GATB: variants seen among roughly 807,000 people sequenced by gnomAD.
GATB encodes the protein glutamyl-tRNA amidotransferase subunit B.
A neutral mutation model predicts 62.3 loss-of-function variants in GATB; 39 were observed. The observed-to-expected ratio is 0.63, with a 90% CI of 0.48 to 0.82. The LOEUF is 0.82. Ranked by LOEUF, GATB falls within the 40% of genes least tolerant of loss-of-function variation. The pLI, the probability that GATB is intolerant of heterozygous loss-of-function variation, is 0.00. For synonymous variants in GATB, 276 were observed against 258.9 expected (o/e 1.07, Z -0.63); for missense variants, 670 against 684.0 (o/e 0.98, Z 0.23).
intron 5 of GATB, among the ~76,000 whole-genome samples, chr4:151,709,625 G>A (rs896717225): frequency 1.3e-5 from 2 of 152,000 alleles, no homozygotes; most frequent in African/African-American, 2.4e-5. Flanking sequence ...TGTCTGTCAC[G>A]GCCTTTCCAT....
rs573449714 is a variant in GATB at position 151,701,501 on chromosome 4, T to C, written c.1025A>G (p.Asn342Ser). 12 of 1,564,080 alleles carry C rather than the reference T, an allele frequency of 7.7e-6. No homozygotes were observed. The highest frequency in any genetic ancestry group is 9.5e-6 in the Non-Finnish European group (11 of 1,152,372). ...GTCGTAGAGCACCAGGGGAGGCAGG[T>C]TGGGTTCTGGCATGAACCTGGGCAG... Reference protein sequence around the residue: ...KQDYRFMPEPNLPPLVLYDAT... With the variant: ...KQDYRFMPEPSLPPLVLYDAT... Residue 342 changes from asparagine to serine, a missense_variant, in exon 9 of 13, where the codon AAC (asparagine) becomes AGC (serine). By Grantham distance (46) the Asn-to-Ser change is conservative. Transcript: ENST00000263985.
chr4:151,741,196 C>T (rs1739478278), intron 2 of GATB, among the ~76,000 whole-genome samples: 1 of 151,346 alleles, frequency 6.6e-6, no homozygotes, highest in South Asian at 2.1e-4. Context: ...AAGAGATTAA[C>T]AACAATAATA....
rs369180505 is a variant in GATB, at chr4:151,730,631, G to A, written c.328-11093C>T. ...AGACAGCCCCCAGTGCCAGCCTGGA[G>A]CCACGAAGACTCACTGGGTGGCTAG... On this transcript the variant is annotated intron_variant, in intron 2 of 12. Transcript: ENST00000263985. This position sits in a 1 kb window ranked among gnomAD's most constrained non-coding sequence, Gnocchi z 4.1. 5.9e-5 allele frequency among the ~76,000 whole-genome samples: 9 copies of A among 152,344 alleles called. No individual in the cohort carries two copies. The highest frequency in any genetic ancestry group is 5.2e-4 in the Admixed American group (8 of 15,302).
At chr4:151,682,128 G>A (rs1391864429) in intron 10 of GATB, among the ~76,000 whole-genome samples, 1 of 152,140 alleles carries the variant, frequency 6.6e-6, no homozygotes, top group Non-Finnish European at 1.5e-5. Context: ...CATCAGTTGG[G>A]TCATAAATTT....
At chr4:151,725,773 T>C (rs865803521) in intron 2 of GATB, among the ~76,000 whole-genome samples, 2 of 152,378 alleles carry the variant, frequency 1.3e-5, no homozygotes, top group South Asian at 2.1e-4. Context: ...AAAGCCAGTC[T>C]CTAGGATCTA....
At chr4:151,737,577 G>A (rs1246477418) in intron 2 of GATB, among the ~76,000 whole-genome samples, 6 of 152,244 alleles carry the variant, frequency 3.9e-5, no homozygotes, top group Non-Finnish European at 2.9e-5. Flanking sequence ...GAAGCAGAAT[G>A]TTAATCCCCA....
chr4:151,745,088 TAA>T (rs1739569714), intron 2 of GATB, among the ~76,000 whole-genome samples: 1 of 152,230 alleles, frequency 6.6e-6, no homozygotes, highest in Non-Finnish European at 1.5e-5. Flanking sequence ...AACATAATTA[TAA>T]ATCTTTCAGA....
chr4:151,683,658 G>A (rs909120104), intron 10 of GATB, among the ~76,000 whole-genome samples: 3 of 152,192 alleles, frequency 2.0e-5, no homozygotes, highest in African/African-American at 7.2e-5. Flanking sequence ...GCTAGGGTGC[G>A]CATATTTGAG....
chr4:151,670,951 TG>T lies in GATB; in HGVS notation c.*222del. The T allele has an allele frequency of 1.8e-6, 1 of 540,908 alleles. No homozygotes were observed. Among genetic ancestry groups the T allele is most frequent in the Non-Finnish European group, 3.3e-6 (1 of 303,908 alleles). 33.5% of individuals were successfully genotyped at this position (540,908 alleles called of 1,614,324 possible). ...GCAGCCTCACCGGACCCTCCTGATGTGGATGAAGCAGGCGGGGTGGCTGCTG... is the reference window on the plus strand; with the variant it reads ...GCAGCCTCACCGGACCCTCCTGATGTGATGAAGCAGGCGGGGTGGCTGCTG... On this transcript the variant is annotated 3_prime_UTR_variant, in exon 13 of 13. Transcript: ENST00000263985.
intron 2 of GATB, among the ~76,000 whole-genome samples, chr4:151,728,051 A>C (rs1334842370): frequency 6.6e-6 from 1 of 152,206 alleles, no homozygotes; most frequent in African/African-American, 2.4e-5. Flanking sequence ...TTTTGTGATA[A>C]TTACTTGTGT....
chr4:151,678,673 G>A (rs1412801850), intron 11 of GATB, among the ~76,000 whole-genome samples: 5 of 152,118 alleles, frequency 3.3e-5, no homozygotes, highest in Non-Finnish European at 7.3e-5. Flanking sequence ...AGCCCGGTGC[G>A]TGCACTATGG....
rs1244257669 is a variant in GATB at position 151,724,902 on chromosome 4, AC to A, written c.328-5365del. ...ATTAAATGAGATAATGAATAATTTA[AC>A]ATTTCCTTTATCAACATTCAAAAGA... On this transcript the variant is annotated intron_variant, in intron 2 of 12. Transcript: ENST00000263985. 2.0e-5 allele frequency among the ~76,000 whole-genome samples: 3 copies of A among 152,180 alleles called. No individual in the cohort carries two copies. The East Asian group carries it at 5.8e-4, about 29-fold the overall frequency.
chr4:151,743,054 C>A (rs1433027387), intron 2 of GATB, among the ~76,000 whole-genome samples: 1 of 152,006 alleles, frequency 6.6e-6, no homozygotes, highest in Non-Finnish European at 1.5e-5. Flanking sequence ...AACTAAAAAC[C>A]TCAATGGATA....
chr4:151,704,467 T>A (rs77414201), intron 7 of GATB, among the ~76,000 whole-genome samples: 3 of 151,960 alleles, frequency 2.0e-5, no homozygotes, highest in African/African-American at 7.3e-5. Flanking sequence ...TTTTTTTTTT[T>A]CTTTGAGACG....
chr4:151,701,477 T>C lies in GATB; in HGVS notation c.1049A>G (p.Asp350Gly). 2 of 1,588,748 alleles carry C rather than the reference T, an allele frequency of 1.3e-6. No individual in the cohort carries two copies. The highest frequency in any genetic ancestry group is 1.7e-6 in the Non-Finnish European group (2 of 1,166,244). ...TGCACCTGCGGGCAGAGATGTGGCGTCGTAGAGCACCAGGGGAGGCAGGTT... is the reference window on the plus strand; with the variant it reads ...TGCACCTGCGGGCAGAGATGTGGCGCCGTAGAGCACCAGGGGAGGCAGGTT... ...EPNLPPLVLY[D>G]ATSLPAGADP... Residue 350 changes from aspartate to glycine, a missense_variant, in exon 9 of 13, where the codon GAC (aspartate) becomes GGC (glycine). Coordinates refer to ENST00000263985, the MANE Select transcript of GATB (RefSeq NM_004564.3).
At chr4:151,754,309 T>C (rs1297274233) in intron 2 of GATB, among the ~76,000 whole-genome samples, 1 of 152,230 alleles carries the variant, frequency 6.6e-6, no homozygotes, top group African/African-American at 2.4e-5. Context: ...CTGGTCTTTG[T>C]ACATCCTATT....
rs1358332141 is a variant in GATB at position 151,730,920 on chromosome 4, A to G, written c.328-11382T>C. Reference sequence around the variant, plus strand: ...GTTTACCAGCAATGAATCCAAATCAAGAAGAAATCCCTGATTTACCTGAAA... The same window carrying G: ...GTTTACCAGCAATGAATCCAAATCAGGAAGAAATCCCTGATTTACCTGAAA... On this transcript the variant is annotated intron_variant, in intron 2 of 12. Transcript: ENST00000263985. The surrounding 1 kb of genome is among the most constrained non-coding windows in gnomAD (Gnocchi z 4.1). 6.6e-6 allele frequency among the ~76,000 whole-genome samples: 1 copy of G among 152,254 alleles called. No individual in the cohort carries two copies. Among genetic ancestry groups the G allele is most frequent in the East Asian group, 1.9e-4 (1 of 5,202 alleles).
intron 2 of GATB, among the ~76,000 whole-genome samples, chr4:151,748,869 A>C (rs1171796030): frequency 2.6e-5 from 4 of 152,270 alleles, no homozygotes; most frequent in African/African-American, 4.8e-5. Context: ...GACACTTCTC[A>C]AAAGAAGACA....
rs1737837116 is a variant in GATB at position 151,670,741 on chromosome 4, C to A, written c.*433G>T. The A allele has an allele frequency of 6.4e-6, 1 of 155,986 alleles. No homozygotes were observed. Among genetic ancestry groups the A allele is most frequent in the African/African-American group, 2.4e-5 (1 of 41,582 alleles). 9.7% of individuals were successfully genotyped at this position (155,986 alleles called of 1,614,324 possible). On this transcript the variant is annotated 3_prime_UTR_variant, in exon 13 of 13. Coordinates refer to ENST00000263985, the MANE Select transcript of GATB (RefSeq NM_004564.3). Reference sequence around the variant, plus strand: ...GAAAACAATACATCCAAATTACAGTCTCTCTTGACCACTGCTAATGCCCAT... The same window carrying A: ...GAAAACAATACATCCAAATTACAGTATCTCTTGACCACTGCTAATGCCCAT...
Sources: gnomAD v4.1 joint callset for allele counts (sites outside exome capture counted in the v4.1 genomes callset) on GRCh38, gnomAD v4.1.1 for gene constraint, Gnocchi (gnomAD v3.1) non-coding constraint, MANE v1.5 for transcripts, NCBI Gene and HGNC (gene_info 2026-07-23, HGNC 2026-07-21) for gene names.